The following DSCAM variants were observed in gnomAD, a reference collection of about 807,000 sequenced individuals.
DSCAM encodes the protein DS cell adhesion molecule, also known as cell adhesion molecule DSCAM.
A neutral mutation model predicts 217.7 loss-of-function variants in DSCAM; 47 were observed. The observed-to-expected ratio is 0.22, with a 90% CI of 0.17 to 0.28. The LOEUF is 0.28. Ranked by LOEUF, DSCAM falls within the 10% of genes least tolerant of loss-of-function variation. The pLI is 1.00. For synonymous variants in DSCAM, 1,056 were observed against 1,015.3 expected, an observed-to-expected ratio of 1.04 and a Z score of -0.76; for missense variants, 2,080 against 2,618.3, an observed-to-expected ratio of 0.79 and a Z score of 4.49.
chr21:40,334,351 G>A (rs1027101792), intron 8 of DSCAM, among the ~76,000 whole-genome samples: 21 of 152,162 alleles, frequency 1.4e-4, no homozygotes, highest in Non-Finnish European at 2.4e-4. Context: ...TGCATCTTCT[G>A]CTGACTCAGT....
chr21:40,096,124 A>G (rs983206933), intron 20 of DSCAM, among the ~76,000 whole-genome samples: 5 of 152,172 alleles, frequency 3.3e-5, no homozygotes, highest in Non-Finnish European at 5.9e-5. Flanking sequence ...AGATAGATGC[A>G]TATCTGATGG....
intron 1 of DSCAM, among the ~76,000 whole-genome samples, chr21:40,734,565 C>A (rs531553434): frequency 1.4e-4 from 22 of 152,330 alleles, no homozygotes; most frequent in African/African-American, 4.8e-4. Context: ...ACTGCACTTT[C>A]TTCTATCAGG....
At chr21:40,566,667 A>C (rs2146196097) in intron 3 of DSCAM, among the ~76,000 whole-genome samples, 1 of 152,274 alleles carries the variant, frequency 6.6e-6, no homozygotes, top group Middle Eastern at 3.4e-3. Context: ...AAATAATTTC[A>C]TTGGCTGGAA....
At chr21:40,475,839 A>T (rs1053330789) in intron 3 of DSCAM, among the ~76,000 whole-genome samples, 8 of 152,026 alleles carry the variant, frequency 5.3e-5, no homozygotes, top group Non-Finnish European at 1.0e-4. Context: ...TTAAATAAAT[A>T]AATTAATAAA....
At chr21:40,326,032 T>C (rs959103382) in intron 8 of DSCAM, among the ~76,000 whole-genome samples, 7 of 152,194 alleles carry the variant, frequency 4.6e-5, no homozygotes, top group Admixed American at 4.6e-4. Flanking sequence ...TATATTTACA[T>C]GCATGTCTAA....
intron 20 of DSCAM, among the ~76,000 whole-genome samples, chr21:40,109,869 G>C (rs1307187370): frequency 6.6e-6 from 1 of 152,190 alleles, no homozygotes; most frequent in African/African-American, 2.4e-5. Flanking sequence ...GAAGCTGGGG[G>C]AGGGGCGCCC....
chr21:40,098,295 GATTT>G (rs1356156899), intron 20 of DSCAM, among the ~76,000 whole-genome samples: 1 of 152,124 alleles, frequency 6.6e-6, no homozygotes, highest in Non-Finnish European at 1.5e-5. Flanking sequence ...AAACGTTTAG[GATTT>G]ATTATTACAT....
chr21:40,461,260 A>G (rs1051093440), intron 3 of DSCAM, among the ~76,000 whole-genome samples: 7 of 152,224 alleles, frequency 4.6e-5, no homozygotes, highest in South Asian at 4.1e-4. Flanking sequence ...GTGTTTGCCT[A>G]TGAAATGAGG....
At chr21:40,259,901 G>A (rs2073426964) in intron 11 of DSCAM, among the ~76,000 whole-genome samples, 1 of 151,548 alleles carries the variant, frequency 6.6e-6, no homozygotes. Context: ...CTAGTTTTTT[G>A]TATTTTTAGT....
intron 3 of DSCAM, among the ~76,000 whole-genome samples, chr21:40,669,033 A>C (rs1568973896): frequency 6.6e-6 from 1 of 152,134 alleles, no homozygotes; most frequent in Non-Finnish European, 1.5e-5. Flanking sequence ...GGGATTGCGT[A>C]TTTCTCTTAT....
At chr21:40,035,276 C>T (rs1303907633) in intron 32 of DSCAM, among the ~76,000 whole-genome samples, 8 of 103,814 alleles carry the variant, frequency 7.7e-5, no homozygotes, top group African/African-American at 1.7e-4. Flanking sequence ...ACCCATCTCA[C>T]GTGCAGAGAC....
intron 3 of DSCAM, among the ~76,000 whole-genome samples, chr21:40,626,626 T>G (rs1383349125): frequency 1.3e-5 from 2 of 152,232 alleles, no homozygotes; most frequent in Non-Finnish European, 2.9e-5. Context: ...CATGCTGTCT[T>G]TTTGCATTCC....
chr21:40,511,749 T>C (rs1189427852), intron 3 of DSCAM, among the ~76,000 whole-genome samples: 2 of 151,772 alleles, frequency 1.3e-5, no homozygotes, highest in Non-Finnish European at 2.9e-5. Flanking sequence ...CCCAGCACTT[T>C]GGGAGGCCGA....
In DSCAM at chr21:40,533,278, C is replaced by T. The variant is rs200372466; in HGVS notation, c.508+159532G>A. 9.2e-5 allele frequency among the ~76,000 whole-genome samples: 14 copies of T among 152,328 alleles called. No individual in the cohort carries two copies. The East Asian group carries it at 2.7e-3, about 29-fold the overall frequency. On this transcript the variant is annotated intron_variant, in intron 3 of 32. Coordinates refer to ENST00000400454, the MANE Select transcript of DSCAM (RefSeq NM_001389.5). ...TGTGAATGCATGTAAGAATAATTTC[C>T]TTTTCATTGCTCTATATATGTACAA...
At chr21:40,795,497 C>T (rs946493057) in intron 1 of DSCAM, among the ~76,000 whole-genome samples, 2 of 152,220 alleles carry the variant, frequency 1.3e-5, no homozygotes, top group African/African-American at 4.8e-5. Flanking sequence ...TCATCCAGCA[C>T]TGCCTGGCAA....
At chr21:40,712,809 CAGAGAGAGAGAGAG>C in intron 1 of DSCAM, among the ~76,000 whole-genome samples, 1 of 149,046 alleles carries the variant, frequency 6.7e-6, no homozygotes, top group African/African-American at 2.5e-5. Context: ...GAAGTTGAGA[CAGAGAGAGAGAGAG>C]AGAGAGAGAG....
chr21:40,016,365 TA>T lies in DSCAM; in HGVS notation c.5687-2980del, dbSNP rs2088157459. Among the ~76,000 whole-genome samples the T allele has an allele frequency of 6.6e-6, 1 of 152,052 alleles. No homozygotes were observed. The highest frequency in any genetic ancestry group is 6.6e-5 in the Admixed American group (1 of 15,256). The stretch of plus-strand genomic sequence containing the variant: ...AAATCACTAACTGTGAAAGGGTGTA[TA>T]GGGGAAAGATCGTACTTTGATGACA... On this transcript the variant is annotated intron_variant, in intron 32 of 32. Coordinates refer to ENST00000400454, the MANE Select transcript of DSCAM (RefSeq NM_001389.5). This position sits in a 1 kb window ranked among gnomAD's most constrained non-coding sequence, Gnocchi z 4.3.
At chr21:40,471,263 T>C (rs1396413816) in intron 3 of DSCAM, among the ~76,000 whole-genome samples, 1 of 152,178 alleles carries the variant, frequency 6.6e-6, no homozygotes, top group African/African-American at 2.4e-5. Context: ...GAAATATGCT[T>C]ATGTCAACTC....
At chr21:40,745,003 A>G (rs1452073229) in intron 1 of DSCAM, among the ~76,000 whole-genome samples, 38 of 152,178 alleles carry the variant, frequency 2.5e-4, no homozygotes, top group Non-Finnish European at 1.3e-4. Context: ...TAAAGAATAC[A>G]ATAACTGAAC....
Sources: allele counts gnomAD v4.1 joint callset (sites outside exome capture counted in the v4.1 genomes callset), GRCh38; gene constraint gnomAD v4.1.1; non-coding constraint Gnocchi (gnomAD v3.1); transcripts MANE v1.5; gene names NCBI Gene and HGNC (gene_info 2026-07-23, HGNC 2026-07-21).